The following EDNRA variants were observed in gnomAD, a reference collection of about 807,000 sequenced individuals.
The protein encoded by EDNRA is endothelin-1 receptor.
A neutral mutation model predicts 41.4 loss-of-function variants in EDNRA; 11 were observed. The observed-to-expected ratio is 0.27, with a 90% CI of 0.17 to 0.44. EDNRA has a LOEUF of 0.44. Ranked by LOEUF, EDNRA falls within the 20% of genes least tolerant of loss-of-function variation. The probability of loss-of-function intolerance (pLI) is 1.00; values close to 1 mark genes in which losing one functional copy is unlikely to be tolerated. For synonymous variants in EDNRA, 172 were observed against 183.0 expected, an observed-to-expected ratio of 0.94 and a Z score of 0.49; for missense variants, 294 against 531.0, an observed-to-expected ratio of 0.55 and a Z score of 4.39.
intron 2 of EDNRA, among the ~76,000 whole-genome samples, chr4:147,496,244 G>T (rs949703736): frequency 3.9e-5 from 6 of 152,150 alleles, no homozygotes; most frequent in Admixed American, 3.9e-4. Context: ...TTTGAAAGAA[G>T]ATTTAAATTT....
chr4:147,503,721 C>T (rs1729591615), intron 2 of EDNRA, among the ~76,000 whole-genome samples: 1 of 152,110 alleles, frequency 6.6e-6, no homozygotes, highest in Admixed American at 6.5e-5. Context: ...GTTTCGTCGT[C>T]AAAACACAGT....
Position 147,519,939 on chromosome 4 carries a change from G to A in EDNRA, c.509G>A (p.Gly170Glu), listed in dbSNP as rs1208606803. ...CCCTTTTTGCAGAAGTCCTCGGTGG[G>A]GATCACCGTCCTCAACCTCTGCGCT... ...LFPFLQKSSV[G>E]ITVLNLCALS... Residue 170 changes from glycine to glutamate, a missense_variant, in exon 3 of 8, where the codon GGG becomes GAG. This residue lies in a region of EDNRA where 185 missense variants were observed against 390.8 expected (regional missense o/e 0.47). Coordinates refer to ENST00000651419, the MANE Select transcript of EDNRA (RefSeq NM_001957.4). This position sits in a 1 kb window ranked among gnomAD's most constrained non-coding sequence, Gnocchi z 4.1. 1 of 1,612,966 alleles carries A rather than the reference G, an allele frequency of 6.2e-7. No individual in the cohort carries two copies. The highest frequency in any genetic ancestry group is 1.1e-5 in the South Asian group (1 of 90,956).
intron 5 of EDNRA, 28 bp downstream of exon 5, chr4:147,536,057 G>C: frequency 1.9e-6 from 3 of 1,613,124 alleles, no homozygotes; most frequent in Non-Finnish European, 2.5e-6. Flanking sequence ...ATGAAAATCT[G>C]GCCAGGACTG....
rs1212062967 is a variant in EDNRA at position 147,532,681 on chromosome 4, A to AAAATCAAAATTC, written c.725_726insAATCAAAATTCA (p.Asn242delinsLysIleLysIleHis). The AAAATCAAAATTC allele has an allele frequency of 6.2e-7, 1 of 1,614,164 alleles. No homozygotes were observed. The highest frequency in any genetic ancestry group is 8.5e-7 in the Non-Finnish European group (1 of 1,180,028). On this transcript the variant is annotated protein_altering_variant, in exon 4 of 8. Coordinates refer to ENST00000651419, the MANE Select transcript of EDNRA (RefSeq NM_001957.4). ...TGAACAGCATAAAACCTGTATGCTC[A>AAAATCAAAATTC]ATGCCACATCAAAATTCATGGAGGT...
intron 2 of EDNRA, among the ~76,000 whole-genome samples, chr4:147,503,777 C>T (rs1729593238): frequency 6.6e-6 from 1 of 152,024 alleles, no homozygotes; most frequent in Admixed American, 6.6e-5. Context: ...CTCAGCACCC[C>T]TTTATACTCG....
At chr4:147,492,784 T>C (rs1729183648) in intron 2 of EDNRA, 1 of 152,010 alleles carries the variant, frequency 6.6e-6, no homozygotes, top group Non-Finnish European at 1.5e-5. Flanking sequence ...ACATATAAAA[T>C]GACAGAGTGA....
intron 2 of EDNRA, among the ~76,000 whole-genome samples, chr4:147,518,742 G>C (rs1193496848): frequency 6.6e-6 from 1 of 150,836 alleles, no homozygotes; most frequent in Admixed American, 6.6e-5. Context: ...ATGGCAAAAA[G>C]AACTTTTCAA....
intron 2 of EDNRA, chr4:147,488,303 G>A (rs554802092): frequency 9.8e-5 from 15 of 152,292 alleles, no homozygotes; most frequent in African/African-American, 4.8e-5. Flanking sequence ...CCATGGCAAC[G>A]TTTTAAGTCA....
At chr4:147,530,682 G>A (rs2048894) in intron 3 of EDNRA, among the ~76,000 whole-genome samples, 52,587 of 152,030 alleles carry the variant, frequency 0.35, 10,900 homozygotes, top group African/African-American at 0.58. Context: ...TGAAGAAACA[G>A]TCAACATAAT....
At chr4:147,505,502 C>T (rs1729673990) in intron 2 of EDNRA, among the ~76,000 whole-genome samples, 1 of 151,298 alleles carries the variant, frequency 6.6e-6, no homozygotes, top group Admixed American at 6.6e-5. Flanking sequence ...ACACCATGCC[C>T]AGCTAATTTT....
rs576553438 is a variant in EDNRA, at chr4:147,544,237, T to C, written c.*1619T>C. On this transcript the variant is annotated 3_prime_UTR_variant, in exon 8 of 8. Coordinates refer to ENST00000651419, the MANE Select transcript of EDNRA (RefSeq NM_001957.4). ...AGCAACCTTCTGCATTCATAAATCT[T>C]GTAATCATGTTACCATTACAAATGG... 14 of 153,214 alleles carry C rather than the reference T, an allele frequency of 9.1e-5. No individual in the cohort carries two copies. The highest frequency in any genetic ancestry group is 3.4e-4 in the African/African-American group (14 of 41,576). 9.5% of individuals were successfully genotyped at this position (153,214 alleles called of 1,614,324 possible). A position where few individuals can be genotyped will look rare whatever the true frequency, so the allele number is the denominator to read the frequency against.
intron 1 of EDNRA, among the ~76,000 whole-genome samples, chr4:147,483,608 C>T (rs987773173): frequency 1.3e-5 from 2 of 152,088 alleles, no homozygotes; most frequent in Non-Finnish European, 2.9e-5. Context: ...ATTGGCCAAA[C>T]CTAAGCTTTA....
Position 147,486,656 on chromosome 4 carries a change from A to G in EDNRA, c.420+555A>G, listed in dbSNP as rs970964878. ...GTGACTTAGAGATAATGGGGTCCAC[A>G]TGATAGCAGGCCACTGTTGACCTTG... On this transcript the variant is annotated intron_variant, in intron 2 of 7. Coordinates refer to ENST00000651419, the MANE Select transcript of EDNRA (RefSeq NM_001957.4). This position sits in a 1 kb window ranked among gnomAD's most constrained non-coding sequence, Gnocchi z 4.3. 2.0e-5 allele frequency among the ~76,000 whole-genome samples: 3 copies of G among 152,218 alleles called. No homozygotes were observed. Among genetic ancestry groups the G allele is most frequent in the Non-Finnish European group, 4.4e-5 (3 of 68,040 alleles).
At chr4:147,541,154 G>C (rs570572407) in intron 7 of EDNRA, among the ~76,000 whole-genome samples, 1 of 149,138 alleles carries the variant, frequency 6.7e-6, no homozygotes, top group Admixed American at 6.7e-5. Context: ...TTCAAGGAAA[G>C]TAAATGCTTA....
At chr4:147,526,337 C>T (rs1054517495) in intron 3 of EDNRA, among the ~76,000 whole-genome samples, 32 of 152,184 alleles carry the variant, frequency 2.1e-4, no homozygotes, top group Admixed American at 1.4e-3. Context: ...CTCCTTGTCA[C>T]GTCACCTGGG....
chr4:147,483,724 A>ATT (rs367755384), intron 1 of EDNRA, among the ~76,000 whole-genome samples: 30,787 of 145,452 alleles, frequency 0.21, 3,982 homozygotes, highest in African/African-American at 0.36. Flanking sequence ...TATTTATTTA[A>ATT]TTTTTTTTTT....
intron 2 of EDNRA, among the ~76,000 whole-genome samples, chr4:147,501,522 A>G (rs1450763975): frequency 6.6e-6 from 1 of 151,984 alleles, no homozygotes; most frequent in Non-Finnish European, 1.5e-5. Flanking sequence ...CCCCACTCCC[A>G]CCCTCTATAG....
rs546284383 is a variant in EDNRA at position 147,487,570 on chromosome 4, C to T, written c.420+1469C>T. Among the ~76,000 whole-genome samples the T allele has an allele frequency of 5.6e-4, 85 of 152,284 alleles. 1 individual carries two copies. Among genetic ancestry groups the T allele is most frequent in the Non-Finnish European group, 1.1e-3 (76 of 68,018 alleles). ...AGTTTTGTCAATTGAAGATACAACACATTTTAAGTAAAACAGTAATCTCTC... is the reference window on the plus strand; with the variant it reads ...AGTTTTGTCAATTGAAGATACAACATATTTTAAGTAAAACAGTAATCTCTC... On this transcript the variant is annotated intron_variant, in intron 2 of 7. Transcript: ENST00000651419.
In EDNRA at chr4:147,525,595, C is replaced by CAAAA. The variant is rs58331044; in HGVS notation, c.548+5627_548+5630dup. On this transcript the variant is annotated intron_variant, in intron 3 of 7. Transcript: ENST00000651419. ...ATATTACTTTGAGTTTGTTTGGAGG[C>CAAAA]AAAAAAAAAAAAAGCAGCAGCAGGA... 9.2e-3 allele frequency among the ~76,000 whole-genome samples: 1,223 copies of CAAAA among 132,376 alleles called. 32 individuals carry two copies. Among genetic ancestry groups the CAAAA allele is most frequent in the African/African-American group, 0.029 (1,048 of 36,436 alleles). 86.8% of individuals were successfully genotyped at this position (132,376 alleles called of 152,430 possible).
Sources: allele counts gnomAD v4.1 joint callset (sites outside exome capture counted in the v4.1 genomes callset), GRCh38; gene constraint gnomAD v4.1.1; regional missense constraint gnomAD v4.1.1; non-coding constraint Gnocchi (gnomAD v3.1); transcripts MANE v1.5; gene names NCBI Gene and HGNC (gene_info 2026-07-23, HGNC 2026-07-21).